Variants in SETD3 observed in about 807,000 individuals in gnomAD.
The protein encoded by SETD3 is actin-histidine N-methyltransferase.
Under a neutral mutation model 63.0 loss-of-function variants are expected in SETD3, and 19 were observed. That is an observed-to-expected ratio of 0.30 (90% confidence interval 0.21 to 0.44). The LOEUF (loss-of-function observed/expected upper bound fraction) is 0.44, where lower values mean the gene tolerates loss of function less well. SETD3 is among the 20% of genes least tolerant of loss of function. The pLI is 1.00. For missense variants in SETD3, 587 were observed against 728.5 expected, an observed-to-expected ratio of 0.81 and a Z score of 2.24; for synonymous variants, 286 against 264.1, an observed-to-expected ratio of 1.08 and a Z score of -0.80.
intron 6 of SETD3, among the ~76,000 whole-genome samples, chr14:99,449,065 A>G (rs1370204894): frequency 6.6e-6 from 1 of 152,256 alleles, no homozygotes; most frequent in Non-Finnish European, 1.5e-5. Context: ...AGTCTATCAA[A>G]TAAAATAAAT....
At position 99,445,272 on chromosome 14, in the gene SETD3, A is replaced by G. The variant is rs370671164; in HGVS notation, c.675+13007T>C. 3.9e-5 allele frequency among the ~76,000 whole-genome samples: 6 copies of G among 152,334 alleles called. No homozygotes were observed. In the South Asian group the frequency reaches 1.2e-3, roughly 32 times the overall value. On this transcript the variant is annotated intron_variant, in intron 6 of 12. Transcript: ENST00000331768. ...TACTACGCCCTCACTCTCTGTCTAC[A>G]AAGATCCATCAGCACCAGCATTTCC...
intron 8 of SETD3, chr14:99,410,210 T>C: frequency 6.2e-7 from 1 of 1,613,692 alleles, no homozygotes; most frequent in East Asian, 2.2e-5. Context: ...AGGAATCTTC[T>C]GGTGTCTGAA....
intron 2 of SETD3, among the ~76,000 whole-genome samples, chr14:99,463,804 G>T (rs4569192): frequency 0.97 from 146,977 of 152,234 alleles, 71,126 homozygotes; most frequent in East Asian, 1. Flanking sequence ...CCCACTTAAC[G>T]TACCCAAGAG....
intron 6 of SETD3, among the ~76,000 whole-genome samples, chr14:99,438,092 G>A (rs1426045975): frequency 6.6e-6 from 1 of 152,192 alleles, no homozygotes; most frequent in Non-Finnish European, 1.5e-5. Context: ...TGACTTCAGA[G>A]CATTTAAGGA....
Position 99,410,208 on chromosome 14 carries a change from T to G in SETD3, c.849+2743A>C, listed in dbSNP as rs142537059. The stretch of plus-strand genomic sequence containing the variant: ...GGCGACAGCAAGAGCGAAGGAATCT[T>G]CTGGTGTCTGAAGAATAGCAGGGAA... On this transcript the variant is annotated intron_variant, in intron 8 of 12. Coordinates refer to ENST00000331768, the MANE Select transcript of SETD3 (RefSeq NM_032233.3). 321 of 1,613,720 alleles carry G rather than the reference T, an allele frequency of 2.0e-4. No individual in the cohort carries two copies. The Middle Eastern group carries it at 4.6e-3, about 23-fold the overall frequency.
At chr14:99,445,818 A>G (rs1894098548) in intron 6 of SETD3, among the ~76,000 whole-genome samples, 1 of 152,248 alleles carries the variant, frequency 6.6e-6, no homozygotes, top group Non-Finnish European at 1.5e-5. Flanking sequence ...ATCCTGTCCC[A>G]GAGGATAGAG....
intron 8 of SETD3, among the ~76,000 whole-genome samples, chr14:99,407,277 C>T (rs1171874604): frequency 6.6e-6 from 1 of 150,926 alleles, no homozygotes; most frequent in Non-Finnish European, 1.5e-5. Flanking sequence ...TTCTAAGCTC[C>T]CCCGTCTTAG....
chr14:99,426,516 G>GGGGAGAGGGCGGAAGGGGACCCAGCA (rs1237837676), intron 6 of SETD3, among the ~76,000 whole-genome samples: 13 of 152,314 alleles, frequency 8.5e-5, no homozygotes, highest in African/African-American at 3.1e-4. Flanking sequence ...GCCTGAATGT[G>GGGGAGAGGGCGGAAGGGGACCCAGCA]GGGAGAGGGC....
intron 6 of SETD3, among the ~76,000 whole-genome samples, chr14:99,427,674 A>G (rs1424334748): frequency 3.9e-5 from 6 of 152,112 alleles, no homozygotes; most frequent in Admixed American, 6.6e-5. Context: ...TCGTCCGTCA[A>G]CTCCCCAAAC....
At position 99,448,097 on chromosome 14, in the gene SETD3, C is replaced by G. The variant is rs112532154; in HGVS notation, c.675+10182G>C. Among the ~76,000 whole-genome samples the G allele has an allele frequency of 3.3e-5, 5 of 152,260 alleles. 1 individual carries two copies. The highest frequency in any genetic ancestry group is 1.2e-4 in the African/African-American group (5 of 41,558). Reference sequence around the variant, plus strand: ...AGACTAAGACAGTGGTTTGGTGAGCCCCTGTGGCTAGGAGCACAGGCTTTG... The same window carrying G: ...AGACTAAGACAGTGGTTTGGTGAGCGCCTGTGGCTAGGAGCACAGGCTTTG... On this transcript the variant is annotated intron_variant, in intron 6 of 12. Transcript: ENST00000331768.
At chr14:99,482,810 C>T (rs961865724), upstream of SETD3, among the ~76,000 whole-genome samples, 1 of 152,116 alleles carries the variant, frequency 6.6e-6, no homozygotes, top group Admixed American at 6.5e-5. Flanking sequence ...TAGCTGTGGC[C>T]TATAAAATGG....
chr14:99,460,559 C>T (rs916452804), intron 4 of SETD3, among the ~76,000 whole-genome samples: 1 of 152,134 alleles, frequency 6.6e-6, no homozygotes, highest in Non-Finnish European at 1.5e-5. Flanking sequence ...AGTCCAGTTC[C>T]TTCTCCCAAA....
At chr14:99,427,626 G>A (rs751106397) in intron 6 of SETD3, among the ~76,000 whole-genome samples, 16 of 152,200 alleles carry the variant, frequency 1.1e-4, no homozygotes, top group South Asian at 2.1e-4. Context: ...CAGCTTCAGA[G>A]CCACTTTAAT....
At chr14:99,403,187 C>T (rs1319338360) in intron 11 of SETD3, among the ~76,000 whole-genome samples, 3 of 152,116 alleles carry the variant, frequency 2.0e-5, no homozygotes, top group Admixed American at 6.5e-5. Context: ...TCCAGCATGA[C>T]GTCAAACCCT....
chr14:99,440,727 C>T lies in SETD3; in HGVS notation c.675+17552G>A, dbSNP rs536594150. On this transcript the variant is annotated intron_variant, in intron 6 of 12. Transcript: ENST00000331768. ...GGGAGGTAAGAGGCCTTGTAGGGAA[C>T]ACTGGGTGAAAAAAAAAAAAGAACA... 4.1e-5 allele frequency among the ~76,000 whole-genome samples: 6 copies of T among 147,226 alleles called. No homozygotes were observed. The East Asian group carries it at 9.9e-4, about 24-fold the overall frequency.
intron 6 of SETD3, among the ~76,000 whole-genome samples, chr14:99,457,383 C>G (rs1298635823): frequency 6.6e-6 from 1 of 152,138 alleles, no homozygotes; most frequent in Non-Finnish European, 1.5e-5. Flanking sequence ...AGTAAGCATG[C>G]TACAAAGTGA....
chr14:99,415,797 G>C (rs1444162675), intron 6 of SETD3, among the ~76,000 whole-genome samples: 2 of 152,194 alleles, frequency 1.3e-5, no homozygotes, highest in African/African-American at 4.8e-5. Flanking sequence ...ACTTAACAGT[G>C]ACACTAAAGC....
chr14:99,436,552 T>C (rs1312773766), intron 6 of SETD3, among the ~76,000 whole-genome samples: 1 of 152,194 alleles, frequency 6.6e-6, no homozygotes, highest in African/African-American at 2.4e-5. Context: ...TAGGCTGAGA[T>C]TAAGCGGCCC....
intron 1 of SETD3, among the ~76,000 whole-genome samples, chr14:99,472,158 T>C (rs1253395624): frequency 6.6e-6 from 1 of 152,232 alleles, no homozygotes; most frequent in African/African-American, 2.4e-5. Flanking sequence ...AAACCAGGCC[T>C]GCAGTTCCCA....
Sources: allele counts gnomAD v4.1 joint callset (sites outside exome capture counted in the v4.1 genomes callset), GRCh38; gene constraint gnomAD v4.1.1; transcripts MANE v1.5; gene names NCBI Gene and HGNC (gene_info 2026-07-23, HGNC 2026-07-21).